Variants in SF3B6 observed in about 807,000 individuals in gnomAD.
SF3B6 encodes the protein SF3b 14 kDa subunit.
A neutral mutation model predicts 15.9 loss-of-function variants in SF3B6; 3 were observed. The observed-to-expected ratio is 0.19, with a 90% CI of 0.09 to 0.49. SF3B6 has a LOEUF of 0.49. SF3B6 is among the 20% of genes least tolerant of loss of function. The pLI is 0.97. For missense variants in SF3B6, 71 were observed against 154.3 expected, an observed-to-expected ratio of 0.46 and a Z score of 2.86; for synonymous variants, 49 against 51.1, an observed-to-expected ratio of 0.96 and a Z score of 0.18.
intron 1 of SF3B6, 44 bp from the exon 2 acceptor site, chr2:24,074,238 TA>T (rs1278263439): frequency 1.0e-6 from 1 of 995,100 alleles, no homozygotes; most frequent in Non-Finnish European, 1.5e-6. Flanking sequence ...AGGGGCATTC[TA>T]AAAAATTATA....
intron 2 of SF3B6, among the ~76,000 whole-genome samples, chr2:24,072,575 C>A (rs555432173): frequency 2.0e-5 from 3 of 152,172 alleles, no homozygotes; most frequent in East Asian, 1.9e-4. Flanking sequence ...AATTAAAATT[C>A]TTTTAAGACA....
At position 24,076,159 on chromosome 2, in the gene SF3B6, C is replaced by G. The variant is rs1410745046; in HGVS notation, c.30+41G>C. The G allele has an allele frequency of 2.5e-6, 4 of 1,613,848 alleles. No individual in the cohort carries two copies. The Admixed American group carries it at 6.7e-5, about 27-fold the overall frequency. On this transcript the variant is annotated intron_variant, in intron 1 of 3. Coordinates refer to ENST00000233468, the MANE Select transcript of SF3B6 (RefSeq NM_016047.4). ...GATCCACGCCGCTAAGAAAGTCAAACCCGAAGTTCTCCCACCCTCCGCAGA... is the reference window on the plus strand; with the variant it reads ...GATCCACGCCGCTAAGAAAGTCAAAGCCGAAGTTCTCCCACCCTCCGCAGA...
chr2:24,069,631 G>A lies in SF3B6; in HGVS notation c.150-1172C>T, dbSNP rs142909041. Among the ~76,000 whole-genome samples the A allele has an allele frequency of 9.1e-3, 1,390 of 152,314 alleles. 12 individuals carry two copies. Among genetic ancestry groups the A allele is most frequent in the South Asian group, 0.028 (133 of 4,826 alleles). On this transcript the variant is annotated intron_variant, in intron 2 of 3. Coordinates refer to ENST00000233468, the MANE Select transcript of SF3B6 (RefSeq NM_016047.4). ...CATAGGGTTGAATAAAAGCAGTGGA[G>A]CCATGGGAAGAGGAGGTACCTGCCT...
chr2:24,069,662 T>C (rs1012159891), intron 2 of SF3B6, among the ~76,000 whole-genome samples: 1 of 152,170 alleles, frequency 6.6e-6, no homozygotes, highest in African/African-American at 2.4e-5. Context: ...TGCCTAGACT[T>C]GATCTAGGAT....
chr2:24,068,005 C>T (rs1014542882), intron 3 of SF3B6, among the ~76,000 whole-genome samples, 154 bp from the exon 4 acceptor site: 2 of 152,188 alleles, frequency 1.3e-5, no homozygotes, highest in Admixed American at 6.5e-5. Flanking sequence ...CTCTGTTGCC[C>T]AGGCTGGAGT....
At chr2:24,076,008 G>T (rs1330733873) in intron 1 of SF3B6, among the ~76,000 whole-genome samples, 192 bp downstream of exon 1, 1 of 152,124 alleles carries the variant, frequency 6.6e-6, no homozygotes, top group Non-Finnish European at 1.5e-5. Flanking sequence ...CTCTCAAAAG[G>T]GGTGGGGACA....
intron 3 of SF3B6, 70 bp from the exon 4 acceptor site, chr2:24,067,921 G>T: frequency 7.7e-7 from 1 of 1,306,034 alleles, no homozygotes; most frequent in Non-Finnish European, 1.1e-6. Context: ...AATAGCATTA[G>T]CCAAAAAAGA....
At chr2:24,075,604 C>T (rs1181828941) in intron 1 of SF3B6, among the ~76,000 whole-genome samples, 5 of 150,892 alleles carry the variant, frequency 3.3e-5, no homozygotes, top group Non-Finnish European at 7.4e-5. Context: ...TAAAAGTTTC[C>T]GTAACACTGT....
intron 1 of SF3B6, among the ~76,000 whole-genome samples, chr2:24,075,903 A>C (rs977874545): frequency 2.6e-5 from 4 of 152,110 alleles, no homozygotes; most frequent in Admixed American, 1.3e-4. Flanking sequence ...CTTTAAGTCA[A>C]GGAGATAATC....
rs112409423 is a variant in SF3B6, at chr2:24,067,654, T to A, written c.*108A>T. On this transcript the variant is annotated 3_prime_UTR_variant, in exon 4 of 4. Coordinates refer to ENST00000233468, the MANE Select transcript of SF3B6 (RefSeq NM_016047.4). ...ATGTATCAAAGTTTCAAGCAGGTCA[T>A]TTTGAACCTCAAATAAGAAATCACA... The A allele has an allele frequency of 1.1e-6, 1 of 900,468 alleles. No homozygotes were observed. The highest frequency in any genetic ancestry group is 1.7e-6 in the Non-Finnish European group (1 of 579,736). 55.8% of individuals were successfully genotyped at this position (900,468 alleles called of 1,614,324 possible). A position where few individuals can be genotyped will look rare whatever the true frequency, so the allele number is the denominator to read the frequency against.
In SF3B6 at chr2:24,067,596, AG is replaced by A; in HGVS notation, c.*165del. 1.8e-6 allele frequency: 1 copy of A among 567,290 alleles called. No homozygotes were observed. Among genetic ancestry groups the A allele is most frequent in the Non-Finnish European group, 3.1e-6 (1 of 326,538 alleles). 35.1% of individuals were successfully genotyped at this position (567,290 alleles called of 1,614,324 possible). ...GAAAAGACTGAGGTGTTTCACAAAA[AG>A]CTACAAGTTTATTAACATAATGTAT... On this transcript the variant is annotated 3_prime_UTR_variant, in exon 4 of 4. Coordinates refer to ENST00000233468, the MANE Select transcript of SF3B6 (RefSeq NM_016047.4).
chr2:24,074,280 T>C, intron 1 of SF3B6, 86 bp from the exon 2 acceptor site: 1 of 657,004 alleles, frequency 1.5e-6, no homozygotes, highest in East Asian at 2.8e-5. Flanking sequence ...AGGGGCATTT[T>C]AAAAAATTCT....
At chr2:24,070,417 T>C (rs906696600) in intron 2 of SF3B6, among the ~76,000 whole-genome samples, 2 of 152,158 alleles carry the variant, frequency 1.3e-5, no homozygotes, top group African/African-American at 4.8e-5. Flanking sequence ...GTGCTACAAT[T>C]TTCTTGACTG....
At chr2:24,069,564 G>T (rs1468215453) in intron 2 of SF3B6, among the ~76,000 whole-genome samples, 4 of 152,146 alleles carry the variant, frequency 2.6e-5, no homozygotes, top group Non-Finnish European at 5.9e-5. Flanking sequence ...GTGGAATGAG[G>T]TTTAAGACTG....
intron 2 of SF3B6, among the ~76,000 whole-genome samples, chr2:24,069,666 CTAGGA>C (rs1241281988): frequency 6.6e-6 from 1 of 152,160 alleles, no homozygotes; most frequent in Non-Finnish European, 1.5e-5. Flanking sequence ...TAGACTTGAT[CTAGGA>C]TAGGACTATA....
chr2:24,076,315 C>G lies in SF3B6; in HGVS notation c.-86G>C. ...TTCGGGGGTTACACCGCGTTAGATG[C>G]AGGACATCAACATCCAGGACCCGCC... On this transcript the variant is annotated 5_prime_UTR_variant, in exon 1 of 4. Coordinates refer to ENST00000233468, the MANE Select transcript of SF3B6 (RefSeq NM_016047.4). 2.0e-6 allele frequency: 3 copies of G among 1,526,302 alleles called. No homozygotes were observed. The highest frequency in any genetic ancestry group is 2.7e-6 in the Non-Finnish European group (3 of 1,099,916). The allele number at this position is 1,526,302 out of a possible 1,614,324, so 94.5% of individuals were successfully genotyped here. A position where few individuals can be genotyped will look rare whatever the true frequency, so the allele number is the denominator to read the frequency against.
intron 2 of SF3B6, among the ~76,000 whole-genome samples, chr2:24,070,965 C>T (rs1664642974): frequency 6.6e-6 from 1 of 152,094 alleles, no homozygotes. Flanking sequence ...AGTAGAAAGA[C>T]ATTAAATAAA....
intron 2 of SF3B6, among the ~76,000 whole-genome samples, chr2:24,069,527 T>G (rs562108222): frequency 1.3e-5 from 2 of 152,172 alleles, no homozygotes; most frequent in African/African-American, 4.8e-5. Flanking sequence ...CTTGCCTCCA[T>G]CTGTGTTCCA....
At chr2:24,076,118 G>A (rs1215878877) in intron 1 of SF3B6, 82 bp downstream of exon 1, 2 of 1,554,730 alleles carry the variant, frequency 1.3e-6, no homozygotes, top group Non-Finnish European at 1.8e-6. Flanking sequence ...GGACGGAGGA[G>A]GAGCAAGAAT....
Sources: gnomAD v4.1 joint callset for allele counts (sites outside exome capture counted in the v4.1 genomes callset) on GRCh38, gnomAD v4.1.1 for gene constraint, MANE v1.5 for transcripts, NCBI Gene and HGNC (gene_info 2026-07-23, HGNC 2026-07-21) for gene names.